Variants in UTP20 observed in about 807,000 individuals in gnomAD.
The protein encoded by UTP20 is small subunit processome component 20 homolog.
In UTP20, 164 loss-of-function variants were observed where a neutral mutation model predicts 329.5. The ratio of observed to expected loss-of-function variants is 0.50; its 90% CI spans 0.44 to 0.57. The LOEUF (loss-of-function observed/expected upper bound fraction) is 0.57. Among genes scored for constraint, UTP20 ranks in the 20% least tolerant of loss-of-function variants. UTP20 has a pLI of 0.00. For missense variants in UTP20, 3,055 were observed against 3,284.2 expected, an observed-to-expected ratio of 0.93 and a Z score of 1.71; for synonymous variants, 1,151 against 1,159.3, an observed-to-expected ratio of 0.99 and a Z score of 0.14.
chr12:101,354,280 A>G (rs796522603), intron 40 of UTP20, among the ~76,000 whole-genome samples: 91 of 134,158 alleles, frequency 6.8e-4, no homozygotes, highest in South Asian at 2.2e-3. Flanking sequence ...AAAAAAAAAA[A>G]AAAAGAAAAG....
chr12:101,381,070 T>C (rs1341816063), intron 57 of UTP20, 70 bp from the exon 58 acceptor site: 1 of 1,295,496 alleles, frequency 7.7e-7, no homozygotes, highest in Non-Finnish European at 1.1e-6. Context: ...ACAGTTATTA[T>C]GTTTAGCTTT....
In UTP20 at chr12:101,363,674, C is replaced by T; in HGVS notation, c.5889C>T (p.Asp1963=). The T allele has an allele frequency of 6.2e-7, 1 of 1,613,260 alleles. No individual in the cohort carries two copies. The highest frequency in any genetic ancestry group is 1.7e-5 in the Admixed American group (1 of 60,018). Residue 1963 remains aspartate (D), a synonymous_variant, in exon 45 of 62, where the codon GAC becomes GAT. Transcript: ENST00000261637. The part of the protein sequence containing the change: ...VMEARRSKSY[D]SYEILGKFVG... The stretch of plus-strand genomic sequence containing the variant: ...AAGCACGAAGAAGCAAAAGTTACGA[C>T]TCTTATGAAATCCTCGGCAAGTTTG...
At position 101,356,660 on chromosome 12, in the gene UTP20, T is replaced by C. The variant is rs776973416; in HGVS notation, c.5501T>C (p.Leu1834Pro). 3.1e-6 allele frequency: 5 copies of C among 1,612,686 alleles called. No homozygotes were observed. The East Asian group carries it at 1.1e-4, about 36-fold the overall frequency. ...GCCATGGTTAAACTAATGCAGTCCC[T>C]TCCACAAGAAGTTATGGAAGCTAAT... Reference protein sequence around the residue: ...AFAMVKLMQSLPQEVMEANLP... With the variant: ...AFAMVKLMQSPPQEVMEANLP... The change falls in exon 42 of 62, where the codon CTT (leucine) becomes CCT (proline). Residue 1834 changes from leucine to proline, a missense_variant. Physicochemically the swap from Leu to Pro is moderately conservative, Grantham distance 98. This residue lies in a region of UTP20 where 2,445 missense variants were observed against 2,575.5 expected (regional missense o/e 0.95). Coordinates refer to ENST00000261637, the MANE Select transcript of UTP20 (RefSeq NM_014503.3).
intron 31 of UTP20, 44 bp from the exon 32 acceptor site, chr12:101,340,479 A>G: frequency 8.1e-7 from 1 of 1,227,694 alleles, no homozygotes; most frequent in South Asian, 1.3e-5. Flanking sequence ...TTAGAGAAAT[A>G]TCCTTGTATA....
At chr12:101,282,256 A>C (rs1234930988) in intron 2 of UTP20, among the ~76,000 whole-genome samples, 3 of 151,520 alleles carry the variant, frequency 2.0e-5, no homozygotes, top group South Asian at 4.1e-4. Flanking sequence ...AACCTAACCT[A>C]CATTCTTTAG....
At chr12:101,325,467 C>T (rs888895609) in intron 25 of UTP20, among the ~76,000 whole-genome samples, 6 of 152,188 alleles carry the variant, frequency 3.9e-5, no homozygotes, top group Non-Finnish European at 8.8e-5. Flanking sequence ...GGGTAAAACT[C>T]CTAGTACCCT....
intron 19 of UTP20, among the ~76,000 whole-genome samples, chr12:101,310,183 A>G (rs895205388): frequency 6.6e-6 from 1 of 152,164 alleles, no homozygotes; most frequent in African/African-American, 2.4e-5. Context: ...ATTTTGAGTC[A>G]TTGAGCCATA....
Position 101,280,290 on chromosome 12 carries a change from C to T in UTP20, c.8C>T (p.Thr3Ile), listed in dbSNP as rs1486690302. The change falls in exon 1 of 62, where the codon ACA (threonine) becomes ATA (isoleucine). Residue 3 changes from threonine (T) to isoleucine (I), a missense_variant. Coordinates refer to ENST00000261637, the MANE Select transcript of UTP20 (RefSeq NM_014503.3). ...CACTGGCCCTCTGCAGCCATGAAGA[C>T]AAAGCCCGTTTCCCACAAGACCGAG... MK[T>I]KPVSHKTENT... is the part of the protein sequence containing the mutation. The T allele has an allele frequency of 6.4e-7, 1 of 1,551,750 alleles. No homozygotes were observed. Among genetic ancestry groups the T allele is most frequent in the Non-Finnish European group, 8.7e-7 (1 of 1,146,990 alleles).
In UTP20 at chr12:101,302,564, A is replaced by G; in HGVS notation, c.1781+11A>G. The G allele has an allele frequency of 3.9e-6, 6 of 1,547,382 alleles. No homozygotes were observed. Among genetic ancestry groups the G allele is most frequent in the Non-Finnish European group, 5.3e-6 (6 of 1,134,780 alleles). On this transcript the variant is annotated intron_variant, in intron 15 of 61. Transcript: ENST00000261637. ...GAAGAATTTAGTATTGTAAGTAAAC[A>G]TCTTCCAGTTGGTTTAGTAATGAAT...
intron 51 of UTP20, among the ~76,000 whole-genome samples, chr12:101,371,390 AG>A (rs1234157345): frequency 6.6e-5 from 10 of 151,492 alleles, no homozygotes; most frequent in African/African-American, 2.4e-4. Context: ...TTTCAAGGTG[AG>A]GGGGCAGTAG....
rs371457912 is a variant in UTP20 at position 101,293,203 on chromosome 12, C to T, written c.1209C>T (p.Phe403=). 3.1e-5 allele frequency: 50 copies of T among 1,613,930 alleles called. No individual in the cohort carries two copies. Among genetic ancestry groups the T allele is most frequent in the Admixed American group, 5.0e-5 (3 of 59,990 alleles). Residue 403 remains phenylalanine, a synonymous_variant, in exon 11 of 62, where the codon TTC becomes TTT. Coordinates refer to ENST00000261637, the MANE Select transcript of UTP20 (RefSeq NM_014503.3). ...FESRFEKRLI[F]SFSEVMFAMK... ...GCAGATTTGAAAAACGTTTAATTTT[C>T]AGTTTTTCTGAAGTCATGTTTGCCA...
intron 40 of UTP20, among the ~76,000 whole-genome samples, chr12:101,353,784 T>G (rs7301458): frequency 0.56 from 85,483 of 152,110 alleles, 26,910 homozygotes; most frequent in East Asian, 0.94. Context: ...TGTAAAAATG[T>G]AAGATGTAAT....
chr12:101,385,472 C>T, intron 60 of UTP20, 111 bp from the exon 61 acceptor site: 3 of 1,320,644 alleles, frequency 2.3e-6, no homozygotes, highest in Non-Finnish European at 2.1e-6. Context: ...TTTGGGGTTT[C>T]TTGCCAGATC....
chr12:101,359,346 G>A (rs1170156805), intron 43 of UTP20, among the ~76,000 whole-genome samples: 3 of 152,112 alleles, frequency 2.0e-5, no homozygotes, highest in African/African-American at 7.2e-5. Context: ...GATTACAGGC[G>A]TGAGCGACTG....
chr12:101,347,502 G>A (rs1170096733), intron 38 of UTP20, among the ~76,000 whole-genome samples: 4 of 151,992 alleles, frequency 2.6e-5, no homozygotes, highest in South Asian at 2.1e-4. Context: ...CAGCCTGGGC[G>A]ACAGAGCGAG....
In UTP20 at chr12:101,300,872, G is replaced by A. The variant is rs760835150; in HGVS notation, c.1675+811G>A. ...GGTGGCTACTGTACTGGATTGTGGC[G>A]ACATATTAGGACAAGTATTTTTACC... On this transcript the variant is annotated intron_variant, in intron 14 of 61. Transcript: ENST00000261637. 5.9e-5 allele frequency among the ~76,000 whole-genome samples: 9 copies of A among 152,088 alleles called. 1 individual carries two copies. Among genetic ancestry groups the A allele is most frequent in the Admixed American group, 2.0e-4 (3 of 15,272 alleles).
At position 101,374,654 on chromosome 12, in the gene UTP20, A is replaced by C. The variant is rs117073952; in HGVS notation, c.7132-154A>C. Among the ~76,000 whole-genome samples the C allele has an allele frequency of 9.0e-3, 1,372 of 152,356 alleles. 11 individuals carry two copies. Among genetic ancestry groups the C allele is most frequent in the Non-Finnish European group, 0.012 (811 of 68,040 alleles). ...TTTCCCCACATTTTGTATATTGGCCATCAAAGCTCCATAATTTACTGATTT... is the reference window on the plus strand; with the variant it reads ...TTTCCCCACATTTTGTATATTGGCCCTCAAAGCTCCATAATTTACTGATTT... On this transcript the variant is annotated intron_variant, in intron 54 of 61. Coordinates refer to ENST00000261637, the MANE Select transcript of UTP20 (RefSeq NM_014503.3).
chr12:101,305,087 A>G (rs1407597795), intron 15 of UTP20, among the ~76,000 whole-genome samples: 6 of 151,792 alleles, frequency 4.0e-5, no homozygotes, highest in African/African-American at 1.5e-4. Flanking sequence ...CCGTCTCCCC[A>G]CAACTCCCTG....
chr12:101,315,186 G>T (rs1209595094), intron 21 of UTP20, among the ~76,000 whole-genome samples: 1 of 151,092 alleles, frequency 6.6e-6, no homozygotes, highest in African/African-American at 2.4e-5. Flanking sequence ...TGCAAGAAAG[G>T]ATAAAATGGC....
Sources: gnomAD v4.1 joint callset for allele counts (sites outside exome capture counted in the v4.1 genomes callset) on GRCh38, gnomAD v4.1.1 for gene constraint, gnomAD v4.1.1 regional missense constraint, MANE v1.5 for transcripts, NCBI Gene and HGNC (gene_info 2026-07-23, HGNC 2026-07-21) for gene names.